OTOF: variants seen among roughly 807,000 people sequenced by gnomAD.
OTOF encodes fer-1-like family member 2.
Under a neutral mutation model 236.8 loss-of-function variants are expected in OTOF, and 218 were observed. The ratio of observed to expected loss-of-function variants is 0.92; its 90% CI spans 0.82 to 1.03. OTOF has a LOEUF of 1.03. Ranked by LOEUF, OTOF falls within the 50% of genes least tolerant of loss-of-function variation. The probability of loss-of-function intolerance (pLI) is 0.00; values close to 1 mark genes in which losing one functional copy is unlikely to be tolerated. For synonymous variants in OTOF, 1,041 were observed against 1,072.5 expected, an observed-to-expected ratio of 0.97 and a Z score of 0.57; for missense variants, 2,590 against 2,694.4, an observed-to-expected ratio of 0.96 and a Z score of 0.86.
At chr2:26,529,744 C>T (rs1175552963) in intron 2 of OTOF, among the ~76,000 whole-genome samples, 1 of 145,630 alleles carries the variant, frequency 6.9e-6, no homozygotes, top group East Asian at 2.3e-4. Context: ...AAGGGAGGAC[C>T]TGGCCTTGGC....
Position 26,482,402 on chromosome 2 carries a change from T to A in OTOF, c.1579+4A>T, listed in dbSNP as rs775794052. 6.2e-7 allele frequency: 1 copy of A among 1,612,928 alleles called. No individual in the cohort carries two copies. ...CCCAGCACACCGGGTCTCCCGCTGC[T>A]GACCTTTGTCTCCGTCATTAGAAAT... On this transcript the variant is annotated splice_donor_region_variant and intron_variant, in intron 14 of 46. Coordinates refer to ENST00000272371, the MANE Select transcript of OTOF (RefSeq NM_194248.3).
Position 26,474,809 on chromosome 2 carries a change from A to G in OTOF, c.3127-135T>C. Reference sequence around the variant, plus strand: ...ACCCCATTTTACAGATGAGGAAACCAAGTCTCAGGGCCCACCAAAGACTTG... The same window carrying G: ...ACCCCATTTTACAGATGAGGAAACCGAGTCTCAGGGCCCACCAAAGACTTG... On this transcript the variant is annotated intron_variant, in intron 25 of 46. Coordinates refer to ENST00000272371, the MANE Select transcript of OTOF (RefSeq NM_194248.3). The G allele has an allele frequency of 3.1e-6, 3 of 975,604 alleles. No individual in the cohort carries two copies. In the South Asian group the frequency reaches 4.1e-5, roughly 13 times the overall value. The allele number at this position is 975,604 out of a possible 1,614,324, so 60.4% of individuals were successfully genotyped here.
At chr2:26,480,395 G>A in intron 15 of OTOF, 84 bp from the exon 16 acceptor site, 1 of 861,570 alleles carries the variant, frequency 1.2e-6, no homozygotes, top group East Asian at 2.4e-5. Context: ...CTCACAGACA[G>A]GCCGTGGGGG....
chr2:26,538,710 G>A (rs1427145587), intron 1 of OTOF, among the ~76,000 whole-genome samples: 1 of 152,176 alleles, frequency 6.6e-6, no homozygotes, highest in African/African-American at 2.4e-5. Flanking sequence ...GGGGCCTCGG[G>A]ATAGAGGATG....
chr2:26,499,975 G>A (rs1024427672), intron 8 of OTOF, among the ~76,000 whole-genome samples: 2 of 152,228 alleles, frequency 1.3e-5, no homozygotes, highest in Admixed American at 1.3e-4. Flanking sequence ...AGTCTTTGGA[G>A]GGGACAATGT....
In OTOF at chr2:26,558,746, C is replaced by T; in HGVS notation, c.-175G>A. 3.4e-6 allele frequency: 2 copies of T among 595,896 alleles called. No homozygotes were observed. The highest frequency in any genetic ancestry group is 3.0e-6 in the Non-Finnish European group (1 of 332,580). 36.9% of individuals were successfully genotyped at this position (595,896 alleles called of 1,614,324 possible). A position where few individuals can be genotyped will look rare whatever the true frequency, so the allele number is the denominator to read the frequency against. On this transcript the variant is annotated 5_prime_UTR_variant, in exon 1 of 47. Transcript: ENST00000272371. ...ACCAAGCCGAGCTAAGCTGCTCCTG[C>T]AGCGACTCACAGAGCCTCACAGCCC...
Position 26,475,805 on chromosome 2 carries a change from T to C in OTOF, c.2991+109A>G. 5 of 1,409,614 alleles carry C rather than the reference T, an allele frequency of 3.5e-6. No homozygotes were observed. In the East Asian group the frequency reaches 7.5e-5, roughly 21 times the overall value. The allele number at this position is 1,409,614 out of a possible 1,614,324, so 87.3% of individuals were successfully genotyped here. ...AGAAACCGGGGCACTGGCTGACCTG[T>C]GGCTCCAGGCCCCACAGGCTCACAG... On this transcript the variant is annotated intron_variant, in intron 24 of 46. Transcript: ENST00000272371.
intron 1 of OTOF, among the ~76,000 whole-genome samples, chr2:26,545,634 A>G (rs1351875877): frequency 4.6e-5 from 7 of 152,178 alleles, no homozygotes; most frequent in Non-Finnish European, 1.0e-4. Context: ...ACCCAAGAAT[A>G]CAAAAAAAGA....
chr2:26,557,991 C>T (rs1271120230), intron 1 of OTOF, among the ~76,000 whole-genome samples: 6 of 151,896 alleles, frequency 4.0e-5, no homozygotes, highest in South Asian at 2.1e-4. Flanking sequence ...CCGGGGTTCC[C>T]GCCCATGAAT....
chr2:26,516,332 AG>A (rs1558509727), intron 5 of OTOF, 85 bp downstream of exon 5: 1 of 1,258,150 alleles, frequency 7.9e-7, no homozygotes, highest in Non-Finnish European at 1.1e-6. Context: ...AGCTAGGCCT[AG>A]AGAGGCCTGT....
Position 26,466,795 on chromosome 2 carries a change from G to A in OTOF, c.4419C>T (p.Gly1473=). 6.2e-7 allele frequency: 1 copy of A among 1,614,254 alleles called. No individual in the cohort carries two copies. The highest frequency in any genetic ancestry group is 8.5e-7 in the Non-Finnish European group (1 of 1,180,048). Residue 1473 remains glycine, a synonymous_variant, in exon 36 of 47, where the codon GGC becomes GGT. Transcript: ENST00000272371. ...PLPEDVSREA[G]YDSTYGMFQG... is the part of the protein sequence containing the mutation. ...GGAACATGCCGTAGGTGGAGTCGTA[G>A]CCGGCTTCCCGGGACACGTCCTCTG...
chr2:26,474,395 GCC>G, intron 26 of OTOF, 116 bp downstream of exon 26: 1 of 454,788 alleles, frequency 2.2e-6, no homozygotes, highest in Non-Finnish European at 3.7e-6. Context: ...CAGCCCCCAG[GCC>G]CCACCCCCAG....
chr2:26,534,279 C>T (rs1220797299), intron 2 of OTOF, among the ~76,000 whole-genome samples: 1 of 152,176 alleles, frequency 6.6e-6, no homozygotes, highest in Non-Finnish European at 1.5e-5. Context: ...TGGCCTCTCC[C>T]CTGGGGCCTG....
intron 13 of OTOF, 78 bp downstream of exon 13, chr2:26,483,384 C>G: frequency 7.4e-7 from 1 of 1,357,572 alleles, no homozygotes. Flanking sequence ...CCCAGCTGCC[C>G]CAGGCCCCAC....
intron 1 of OTOF, among the ~76,000 whole-genome samples, chr2:26,550,568 G>T (rs531100040): frequency 6.6e-6 from 1 of 152,210 alleles, no homozygotes; most frequent in East Asian, 1.9e-4. Context: ...CAGAATTCAG[G>T]GTGTCAGCAA....
In OTOF at chr2:26,501,711, G is replaced by C. The variant is rs758878917; in HGVS notation, c.765+43C>G. 7.9e-6 allele frequency: 11 copies of C among 1,397,842 alleles called. No individual in the cohort carries two copies. In the African/African-American group the frequency reaches 8.5e-5, roughly 11 times the overall value. The allele number at this position is 1,397,842 out of a possible 1,614,324, so 86.6% of individuals were successfully genotyped here. On this transcript the variant is annotated intron_variant, in intron 8 of 46. Coordinates refer to ENST00000272371, the MANE Select transcript of OTOF (RefSeq NM_194248.3). The stretch of plus-strand genomic sequence containing the variant: ...CACATCCGGCTAGAATCCCCCACTA[G>C]AGCAGAGTCTGAAAGACATGAGGCC...
chr2:26,519,236 C>T (rs1666614944), intron 3 of OTOF, 127 bp from the exon 4 acceptor site: 4 of 701,220 alleles, frequency 5.7e-6, no homozygotes, highest in Non-Finnish European at 7.6e-6. Flanking sequence ...CTGGGCTGGG[C>T]TGGAGAAGGT....
chr2:26,515,107 C>G (rs72856015), intron 5 of OTOF, among the ~76,000 whole-genome samples: 4,858 of 152,342 alleles, frequency 0.032, 246 homozygotes, highest in African/African-American at 0.11. Context: ...TGTGATCCCT[C>G]CGGCTCTCCC....
chr2:26,494,859 G>A, intron 9 of OTOF, 83 bp downstream of exon 9: 3 of 1,538,932 alleles, frequency 1.9e-6, no homozygotes, highest in South Asian at 2.2e-5. Flanking sequence ...TTGACTTCCA[G>A]CCACTCCTAT....
Sources: gnomAD v4.1 joint callset for allele counts (sites outside exome capture counted in the v4.1 genomes callset) on GRCh38, gnomAD v4.1.1 for gene constraint, MANE v1.5 for transcripts, NCBI Gene and HGNC (gene_info 2026-07-23, HGNC 2026-07-21) for gene names.